Variants in DOCK1 observed in about 807,000 individuals in gnomAD.
DOCK1 encodes the protein dedicator of cytokinesis 1.
A neutral mutation model predicts 262.7 loss-of-function variants in DOCK1; 138 were observed. That is an observed-to-expected ratio of 0.53 (90% CI 0.46 to 0.61). The LOEUF is 0.61. Ranked by LOEUF, DOCK1 falls within the 20% of genes least tolerant of loss-of-function variation. The pLI, the probability that DOCK1 is intolerant of heterozygous loss-of-function variation, is 0.00. For synonymous variants in DOCK1, 866 were observed against 867.4 expected (o/e 1.00, Z 0.03); for missense variants, 1,908 against 2,370.7 (o/e 0.80, Z 4.05).
intron 24 of DOCK1, among the ~76,000 whole-genome samples, chr10:127,107,588 A>G (rs2048607106): frequency 6.6e-6 from 1 of 152,188 alleles, no homozygotes; most frequent in African/African-American, 2.4e-5. Flanking sequence ...TCCTTGGCAC[A>G]TGCTTCTCCA....
rs771649622 is a variant in DOCK1, at chr10:127,381,376, C to A, written c.3807+8C>A. 6.3e-7 allele frequency: 1 copy of A among 1,599,538 alleles called. No homozygotes were observed. The highest frequency in any genetic ancestry group is 8.6e-7 in the Non-Finnish European group (1 of 1,169,572). On this transcript the variant is annotated splice_region_variant and intron_variant, in intron 37 of 51. Coordinates refer to ENST00000623213, the MANE Select transcript of DOCK1 (RefSeq NM_001290223.2). ...CATGCAAAGCTTCTTAAGGTAATGT[C>A]AATTACCAGTCACCTTGATGATTCT...
At chr10:127,122,206 G>A (rs2049632748) in intron 25 of DOCK1, among the ~76,000 whole-genome samples, 1 of 152,190 alleles carries the variant, frequency 6.6e-6, no homozygotes. Flanking sequence ...TGGCTCTGGG[G>A]AATTGCCTTT....
At chr10:127,112,391 C>G (rs543147564) in intron 25 of DOCK1, among the ~76,000 whole-genome samples, 1 of 152,186 alleles carries the variant, frequency 6.6e-6, no homozygotes, top group Non-Finnish European at 1.5e-5. Flanking sequence ...TGTTTATATT[C>G]GATGATTTTG....
At chr10:127,407,506 A>G (rs577884574) in intron 40 of DOCK1, among the ~76,000 whole-genome samples, 143 of 152,304 alleles carry the variant, frequency 9.4e-4, no homozygotes, top group Non-Finnish European at 1.6e-3. Flanking sequence ...GGGGACTACA[A>G]ACGTTCTGAC....
At chr10:127,031,577 G>A (rs1351260488) in intron 16 of DOCK1, 73 bp from the exon 17 acceptor site, 3 of 1,194,294 alleles carry the variant, frequency 2.5e-6, no homozygotes, top group Non-Finnish European at 3.6e-6. Context: ...GGTAGCCTTT[G>A]TAGCTTCTTA....
chr10:126,909,607 G>T (rs2031461880), intron 1 of DOCK1, among the ~76,000 whole-genome samples: 1 of 152,170 alleles, frequency 6.6e-6, no homozygotes. Context: ...TCTCAAATGG[G>T]ATGGGGCATT....
At chr10:126,921,199 C>CAAAAAAAAAAAAAAAAAAAA (rs34354732) in intron 1 of DOCK1, among the ~76,000 whole-genome samples, 1 of 113,754 alleles carries the variant, frequency 8.8e-6, no homozygotes, top group Non-Finnish European at 1.8e-5. Flanking sequence ...GACTCTATCT[C>CAAAAAAAAAAAAAAAAAAAA]AAAAAAAAAA....
In DOCK1 at chr10:127,031,759, T is replaced by G. The variant is rs145785716; in HGVS notation, c.1728+6T>G. On this transcript the variant is annotated splice_donor_region_variant and intron_variant, in intron 17 of 51. Transcript: ENST00000623213. Reference sequence around the variant, plus strand: ...ACGATCTTATCGTCTATAAGGTATCTGGTTGCATTGGTGCAATATTGCTGC... The same window carrying G: ...ACGATCTTATCGTCTATAAGGTATCGGGTTGCATTGGTGCAATATTGCTGC... 1.2e-6 allele frequency: 2 copies of G among 1,608,968 alleles called. No homozygotes were observed. The highest frequency in any genetic ancestry group is 2.7e-5 in the African/African-American group (2 of 74,896).
chr10:127,162,637 T>C (rs2053685660), intron 27 of DOCK1, among the ~76,000 whole-genome samples: 1 of 152,242 alleles, frequency 6.6e-6, no homozygotes, highest in Admixed American at 6.5e-5. Flanking sequence ...CACCTGTACA[T>C]GTAAACTCCA....
At chr10:127,311,928 G>A (rs1031245692) in intron 29 of DOCK1, among the ~76,000 whole-genome samples, 5 of 151,852 alleles carry the variant, frequency 3.3e-5, no homozygotes, top group Admixed American at 1.3e-4. Context: ...GCAGTGGGGC[G>A]ATCTCATCTC....
chr10:127,430,293 T>C (rs1209288785), intron 47 of DOCK1, among the ~76,000 whole-genome samples: 1 of 152,152 alleles, frequency 6.6e-6, no homozygotes, highest in Non-Finnish European at 1.5e-5. Flanking sequence ...CCAGTAGTTC[T>C]CTTAACTGGG....
At chr10:127,038,719 G>A (rs975713177) in intron 19 of DOCK1, among the ~76,000 whole-genome samples, 1 of 144,804 alleles carries the variant, frequency 6.9e-6, no homozygotes, top group Admixed American at 7.1e-5. Flanking sequence ...ATCTGTGAGA[G>A]AGGGCAGTCA....
At chr10:127,210,941 C>A (rs1226190300) in intron 27 of DOCK1, among the ~76,000 whole-genome samples, 2 of 152,118 alleles carry the variant, frequency 1.3e-5, no homozygotes, top group African/African-American at 4.8e-5. Context: ...GGTATAGGAC[C>A]CATGATATTT....
chr10:127,337,477 C>T (rs562365198), intron 29 of DOCK1, among the ~76,000 whole-genome samples: 16 of 152,212 alleles, frequency 1.1e-4, no homozygotes, highest in Middle Eastern at 3.4e-3. Flanking sequence ...TCCTGTATTC[C>T]GCTTTTTTTT....
chr10:127,233,058 C>T (rs867710188), intron 27 of DOCK1, among the ~76,000 whole-genome samples: 4 of 152,190 alleles, frequency 2.6e-5, no homozygotes, highest in South Asian at 2.1e-4. Flanking sequence ...GGCATGGTCC[C>T]TTTTTAATTT....
At chr10:127,092,922 C>T (rs2047628878) in intron 23 of DOCK1, among the ~76,000 whole-genome samples, 3 of 152,312 alleles carry the variant, frequency 2.0e-5, no homozygotes, top group South Asian at 2.1e-4. Context: ...ATTCGTCCCT[C>T]AGGGCTGCTG....
chr10:127,424,400 C>A (rs1336417193), intron 46 of DOCK1, among the ~76,000 whole-genome samples: 4 of 152,196 alleles, frequency 2.6e-5, no homozygotes, highest in Non-Finnish European at 5.9e-5. Context: ...ACCATCAACA[C>A]CAACAACAGC....
Position 127,418,545 on chromosome 10 carries a change from C to T in DOCK1, c.4692+4C>T, listed in dbSNP as rs368724724. ...GGGCTTCGCAAACTACGAAAAGGTA[C>T]GGGACCCACCAGCTTGCTCTGGGCA... is the stretch of plus-strand genomic sequence containing the variant. On this transcript the variant is annotated splice_donor_region_variant and intron_variant, in intron 45 of 51. Transcript: ENST00000623213. 3.7e-5 allele frequency: 60 copies of T among 1,610,690 alleles called. No individual in the cohort carries two copies. The Middle Eastern group carries it at 2.8e-3, about 76-fold the overall frequency.
At chr10:127,178,751 A>T (rs1180347853) in intron 27 of DOCK1, among the ~76,000 whole-genome samples, 2 of 152,186 alleles carry the variant, frequency 1.3e-5, no homozygotes. Flanking sequence ...CTGGAGATGC[A>T]CCAATATCTT....
Sources: gnomAD v4.1 joint callset for allele counts (sites outside exome capture counted in the v4.1 genomes callset) on GRCh38, gnomAD v4.1.1 for gene constraint, MANE v1.5 for transcripts, NCBI Gene and HGNC (gene_info 2026-07-23, HGNC 2026-07-21) for gene names.